The following ARFGEF3 variants were observed in gnomAD, a reference collection of about 807,000 sequenced individuals.
ARFGEF3 encodes the protein ARFGEF family member 3, also known as brefeldin A-inhibited guanine nucleotide-exchange protein 3.
ARFGEF3 carries 96 observed loss-of-function variants against 221.7 expected under a neutral mutation model. The observed-to-expected ratio is 0.43, with a 90% CI of 0.37 to 0.51. The LOEUF is 0.51. Ranked by LOEUF, ARFGEF3 falls within the 20% of genes least tolerant of loss-of-function variation. The probability of loss-of-function intolerance (pLI) is 0.00; values close to 1 mark genes in which losing one functional copy is unlikely to be tolerated. For missense variants in ARFGEF3, 2,410 were observed against 2,789.9 expected (o/e 0.86, Z 3.07); for synonymous variants, 1,145 against 1,126.8 (o/e 1.02, Z -0.32).
chr6:138,168,564 G>A (rs1776765410), intron 1 of ARFGEF3, among the ~76,000 whole-genome samples: 1 of 152,230 alleles, frequency 6.6e-6, no homozygotes, highest in Non-Finnish European at 1.5e-5. Flanking sequence ...AGAGACTGCA[G>A]CTTCAGGGGC....
chr6:138,277,233 T>C (rs1779115005), intron 12 of ARFGEF3, among the ~76,000 whole-genome samples: 1 of 152,228 alleles, frequency 6.6e-6, no homozygotes, highest in South Asian at 2.1e-4. Context: ...TATATATTTG[T>C]TATTTTGTGC....
At position 138,344,280 on chromosome 6, in the gene ARFGEF3, T is replaced by G. The variant is rs1472366686; in HGVS notation, c.*7794T>G. 1 of 152,200 alleles carries G rather than the reference T, an allele frequency of 6.6e-6. No homozygotes were observed. The highest frequency in any genetic ancestry group is 2.4e-5 in the African/African-American group (1 of 41,460). 9.4% of individuals were successfully genotyped at this position (152,200 alleles called of 1,614,324 possible). The stretch of plus-strand genomic sequence containing the variant: ...TACCTATAAAATGCAAAATTCATCC[T>G]TGCAACCCCATTCACCAGGAGCCTT... On this transcript the variant is annotated 3_prime_UTR_variant, in exon 34 of 34. Transcript: ENST00000251691.
intron 2 of ARFGEF3, among the ~76,000 whole-genome samples, chr6:138,178,881 G>C (rs1045804110): frequency 2.0e-5 from 3 of 152,152 alleles, no homozygotes; most frequent in African/African-American, 7.2e-5. Context: ...TCAATTCATT[G>C]ACCTCAGCTA....
At chr6:138,187,795 C>T (rs899576048) in intron 2 of ARFGEF3, among the ~76,000 whole-genome samples, 5 of 152,212 alleles carry the variant, frequency 3.3e-5, no homozygotes, top group African/African-American at 9.6e-5. Context: ...CCCACCTCAG[C>T]ATCCACCTGA....
intron 2 of ARFGEF3, among the ~76,000 whole-genome samples, chr6:138,205,814 A>G (rs777250883): frequency 4.6e-5 from 7 of 152,170 alleles, no homozygotes; most frequent in Non-Finnish European, 8.8e-5. Flanking sequence ...ATTTTTCCTG[A>G]TGGTCTGTTT....
At chr6:138,215,343 G>A (rs1196324923) in intron 4 of ARFGEF3, among the ~76,000 whole-genome samples, 1 of 152,180 alleles carries the variant, frequency 6.6e-6, no homozygotes, top group African/African-American at 2.4e-5. Context: ...GATAAGGAAG[G>A]AGATGATGCT....
intron 1 of ARFGEF3, among the ~76,000 whole-genome samples, chr6:138,166,381 G>A (rs536092055): frequency 1.3e-5 from 2 of 152,236 alleles, no homozygotes; most frequent in South Asian, 4.1e-4. Flanking sequence ...CTTTCCCTTT[G>A]CAAAAGGTCA....
At position 138,334,037 on chromosome 6, in the gene ARFGEF3, A is replaced by T; in HGVS notation, c.5191A>T (p.Ile1731Phe). 6.2e-7 allele frequency: 1 copy of T among 1,613,958 alleles called. No individual in the cohort carries two copies. The highest frequency in any genetic ancestry group is 8.5e-7 in the Non-Finnish European group (1 of 1,179,884). Residue 1731 changes from isoleucine (I) to phenylalanine (F), a missense_variant, in exon 33 of 34, where the codon ATC becomes TTC. Coordinates refer to ENST00000251691, the MANE Select transcript of ARFGEF3 (RefSeq NM_020340.5). This position sits in a 1 kb window ranked among gnomAD's most constrained non-coding sequence, Gnocchi z 5.1. ...HQVLLQNLYD[I>F]LLEEFVKGPS... The stretch of plus-strand genomic sequence containing the variant: ...GGTGTTACTCCAGAACTTATATGAC[A>T]TCTTGTTAGAAGAGTTTGTCAAAGG...
At chr6:138,256,972 A>G (rs997126350) in intron 10 of ARFGEF3, among the ~76,000 whole-genome samples, 5 of 151,756 alleles carry the variant, frequency 3.3e-5, no homozygotes, top group African/African-American at 1.2e-4. Context: ...TTTTGTAGAG[A>G]CGTGTTGCCC....
At chr6:138,322,682 C>G (rs1780053573) in intron 29 of ARFGEF3, among the ~76,000 whole-genome samples, 1 of 151,510 alleles carries the variant, frequency 6.6e-6, no homozygotes, top group South Asian at 2.1e-4. Flanking sequence ...GTAGTCCCAG[C>G]TACTCAGGAG....
intron 24 of ARFGEF3, 99 bp downstream of exon 24, chr6:138,308,960 C>A: frequency 7.1e-7 from 1 of 1,417,492 alleles, no homozygotes; most frequent in Non-Finnish European, 9.8e-7. Flanking sequence ...CTGGAACAAG[C>A]ACGCATCCTG....
intron 26 of ARFGEF3, among the ~76,000 whole-genome samples, chr6:138,316,342 G>A (rs535877736): frequency 1.5e-4 from 23 of 152,040 alleles, no homozygotes; most frequent in South Asian, 1.5e-3. Context: ...ATATTATTCC[G>A]CTGGTTTTCA....
chr6:138,310,210 A>C (rs902271735), intron 24 of ARFGEF3, among the ~76,000 whole-genome samples: 1 of 152,194 alleles, frequency 6.6e-6, no homozygotes, highest in Non-Finnish European at 1.5e-5. Context: ...CAGCGGCCAC[A>C]GTCTAAATTT....
intron 29 of ARFGEF3, among the ~76,000 whole-genome samples, chr6:138,322,444 A>G (rs1780049520): frequency 6.6e-6 from 1 of 152,200 alleles, no homozygotes; most frequent in African/African-American, 2.4e-5. Context: ...GGAGGGACAC[A>G]GCCAAACTGT....
At chr6:138,262,446 C>G (rs932194758) in intron 11 of ARFGEF3, among the ~76,000 whole-genome samples, 1 of 152,174 alleles carries the variant, frequency 6.6e-6, no homozygotes, top group Non-Finnish European at 1.5e-5. Flanking sequence ...CCCACCTCAG[C>G]GTCCCAAAGT....
intron 22 of ARFGEF3, among the ~76,000 whole-genome samples, chr6:138,306,176 A>C (rs1779720589): frequency 6.6e-6 from 1 of 152,176 alleles, no homozygotes; most frequent in South Asian, 2.1e-4. Flanking sequence ...ATATATGAGA[A>C]ATAAATTATC....
intron 2 of ARFGEF3, among the ~76,000 whole-genome samples, chr6:138,203,761 C>T (rs1308746261): frequency 6.6e-6 from 1 of 152,168 alleles, no homozygotes; most frequent in East Asian, 1.9e-4. Context: ...CTGCCTCAGC[C>T]TCTTGAGTAG....
intron 17 of ARFGEF3, among the ~76,000 whole-genome samples, chr6:138,287,782 A>T (rs1453394701): frequency 6.6e-6 from 1 of 152,224 alleles, no homozygotes; most frequent in African/African-American, 2.4e-5. Context: ...AAAAGGAAAA[A>T]TGCCAGCTTG....
At chr6:138,276,478 T>C (rs1288571164) in intron 12 of ARFGEF3, among the ~76,000 whole-genome samples, 3 of 152,176 alleles carry the variant, frequency 2.0e-5, no homozygotes, top group African/African-American at 7.2e-5. Flanking sequence ...AAATGAAAAC[T>C]TTAGTAAGTA....
Sources: allele counts gnomAD v4.1 joint callset (sites outside exome capture counted in the v4.1 genomes callset), GRCh38; gene constraint gnomAD v4.1.1; non-coding constraint Gnocchi (gnomAD v3.1); transcripts MANE v1.5; gene names NCBI Gene and HGNC (gene_info 2026-07-23, HGNC 2026-07-21).